PGS1: variants seen among roughly 807,000 people sequenced by gnomAD.
PGS1 encodes the protein CDP-diacylglycerol--glycerol-3-phosphate 3-phosphatidyltransferase, mitochondrial.
Under a neutral mutation model 58.3 loss-of-function variants are expected in PGS1, and 44 were observed. The ratio of observed to expected loss-of-function variants is 0.75; its 90% CI spans 0.59 to 0.97. PGS1 has a LOEUF of 0.97. Among genes scored for constraint, PGS1 ranks in the 50% least tolerant of loss-of-function variants. The pLI, the probability that PGS1 is intolerant of heterozygous loss-of-function variation, is 0.00. For synonymous variants in PGS1, 330 were observed against 311.0 expected (o/e 1.06, Z -0.64); for missense variants, 684 against 731.1 (o/e 0.94, Z 0.74).
At chr17:78,420,800 C>G (rs2085660315) in intron 9 of PGS1, 2 of 152,196 alleles carry the variant, frequency 1.3e-5, no homozygotes, top group Non-Finnish European at 2.9e-5. Flanking sequence ...CTCCCTTCCC[C>G]CAGGCAGCCA....
chr17:78,400,718 G>T lies in PGS1; in HGVS notation c.743G>T (p.Arg248Leu). The change falls in exon 6 of 10, where the codon CGC becomes CTC. Residue 248 changes from arginine to leucine, a missense_variant. Coordinates refer to ENST00000262764, the MANE Select transcript of PGS1 (RefSeq NM_024419.5). This position sits in a 1 kb window ranked among gnomAD's most constrained non-coding sequence, Gnocchi z 4.4. ...TCCTACTTCACCAACCGCCAGGACCGCTACGTGTTCCTGCAGGACTGTGCG... is the reference window on the plus strand; with the variant it reads ...TCCTACTTCACCAACCGCCAGGACCTCTACGTGTTCCTGCAGGACTGTGCG... ...SDSYFTNRQD[R>L]YVFLQDCAEI... is the part of the protein sequence containing the mutation. 1 of 1,613,890 alleles carries T rather than the reference G, an allele frequency of 6.2e-7. No homozygotes were observed. The highest frequency in any genetic ancestry group is 8.5e-7 in the Non-Finnish European group (1 of 1,179,926).
chr17:78,417,610 C>T (rs1429357246), intron 8 of PGS1, among the ~76,000 whole-genome samples: 1 of 152,152 alleles, frequency 6.6e-6, no homozygotes, highest in Non-Finnish European at 1.5e-5. Flanking sequence ...TGTGTCCTCC[C>T]TCCCGGCCTC....
intron 1 of PGS1, among the ~76,000 whole-genome samples, chr17:78,392,229 A>T (rs945029826): frequency 6.6e-6 from 1 of 152,238 alleles, no homozygotes; most frequent in Non-Finnish European, 1.5e-5. Context: ...ATAGGTATTG[A>T]CACTTCTCAA....
At chr17:78,388,109 C>G (rs1054209423) in intron 1 of PGS1, among the ~76,000 whole-genome samples, 1 of 152,222 alleles carries the variant, frequency 6.6e-6, no homozygotes. Context: ...AAAAATAAAC[C>G]TGTCAGTACA....
At chr17:78,378,839 C>T in intron 1 of PGS1, 31 bp downstream of exon 1, 1 of 1,375,626 alleles carries the variant, frequency 7.3e-7, no homozygotes, top group Non-Finnish European at 9.3e-7. Context: ...GAGAGTGCAG[C>T]CCTCGCGGCT....
chr17:78,404,625 GAT>G (rs1042104322), intron 7 of PGS1, among the ~76,000 whole-genome samples: 9 of 152,142 alleles, frequency 5.9e-5, no homozygotes, highest in South Asian at 2.1e-4. Context: ...CTGTGGTAAA[GAT>G]GTGGTGACAT....
intron 1 of PGS1, among the ~76,000 whole-genome samples, chr17:78,386,678 T>G (rs547954551): frequency 3.9e-4 from 59 of 152,188 alleles, no homozygotes; most frequent in Non-Finnish European, 7.3e-4. Flanking sequence ...TCTTGGTAAG[T>G]AAGCCTCCCT....
rs748675541 is a variant in PGS1 at position 78,403,678 on chromosome 17, C to T, written c.991C>T (p.Leu331Phe). 1 of 1,614,146 alleles carries T rather than the reference C, an allele frequency of 6.2e-7. No homozygotes were observed. Among genetic ancestry groups the T allele is most frequent in the Non-Finnish European group, 8.5e-7 (1 of 1,180,058 alleles). ...LHAQTFHSNS[L>F]LTQEDAAAAG... ...TGCCCAGACCTTCCACAGCAACTCT[C>T]TTTTGACCCAGGAAGATGCAGCAGC... The change falls in exon 7 of 10, where the codon CTT (leucine) becomes TTT (phenylalanine). Residue 331 changes from leucine to phenylalanine, a missense_variant. By Grantham distance (22) the Leu-to-Phe change is conservative. Transcript: ENST00000262764.
chr17:78,388,902 T>C (rs2082597975), intron 1 of PGS1, among the ~76,000 whole-genome samples: 1 of 152,144 alleles, frequency 6.6e-6, no homozygotes, highest in Non-Finnish European at 1.5e-5. Flanking sequence ...CTACCAAGGT[T>C]GTGGGAGGCA....
At chr17:78,401,041 A>G (rs904090214) in intron 6 of PGS1, among the ~76,000 whole-genome samples, 186 bp downstream of exon 6, 1 of 152,090 alleles carries the variant, frequency 6.6e-6, no homozygotes, top group Admixed American at 6.5e-5. Context: ...TGTGGGTGAG[A>G]GAGCCAGCCC....
rs2083609848 is a variant in PGS1 at position 78,400,951 on chromosome 17, G to A, written c.880+96G>A. On this transcript the variant is annotated intron_variant, in intron 6 of 9. Transcript: ENST00000262764. The surrounding 1 kb of genome is among the most constrained non-coding windows in gnomAD (Gnocchi z 4.4). ...CTAGGTGGTTCTGCCACAGGCATAG[G>A]GGACTTGGGTGGCAAGGCTTCATTC... 5 of 1,086,802 alleles carry A rather than the reference G, an allele frequency of 4.6e-6. No homozygotes were observed. Among genetic ancestry groups the A allele is most frequent in the Non-Finnish European group, 5.2e-6 (4 of 772,626 alleles). The allele number at this position is 1,086,802 out of a possible 1,614,324, so 67.3% of individuals were successfully genotyped here.
chr17:78,398,892 C>T (rs933670119), intron 4 of PGS1, among the ~76,000 whole-genome samples: 3 of 152,156 alleles, frequency 2.0e-5, no homozygotes, highest in African/African-American at 4.8e-5. Flanking sequence ...CCATGAGAAT[C>T]GGGTCAAAGC....
Position 78,410,257 on chromosome 17 carries a change from C to T in PGS1, c.1403-4622C>T, listed in dbSNP as rs921026544. ...CAGCCTGGCCAACATGGTGAAACCC[C>T]GTCTCTACTAAAAATACAAAAATTA... On this transcript the variant is annotated intron_variant, in intron 7 of 9. Coordinates refer to ENST00000262764, the MANE Select transcript of PGS1 (RefSeq NM_024419.5). 1.2e-4 allele frequency among the ~76,000 whole-genome samples: 18 copies of T among 151,970 alleles called. No individual in the cohort carries two copies. The East Asian group carries it at 1.6e-3, about 13-fold the overall frequency.
chr17:78,396,440 C>A, intron 3 of PGS1, 55 bp downstream of exon 3: 2 of 1,272,366 alleles, frequency 1.6e-6, no homozygotes, highest in South Asian at 2.7e-5. Context: ...CCCCAACATG[C>A]CACAGCTTTT....
intron 9 of PGS1, among the ~76,000 whole-genome samples, chr17:78,422,088 G>C (rs955355450): frequency 1.3e-5 from 2 of 152,188 alleles, no homozygotes; most frequent in African/African-American, 4.8e-5. Context: ...TCTTATTTCA[G>C]GATCTAAAGG....
At chr17:78,423,462 T>C (rs1325762883) in intron 9 of PGS1, among the ~76,000 whole-genome samples, 1 of 152,150 alleles carries the variant, frequency 6.6e-6, no homozygotes, top group Non-Finnish European at 1.5e-5. Context: ...TAACGCCCTG[T>C]CCCCTCATTG....
At chr17:78,419,081 C>T (rs1193669371) in intron 8 of PGS1, among the ~76,000 whole-genome samples, 1 of 152,054 alleles carries the variant, frequency 6.6e-6, no homozygotes, top group African/African-American at 2.4e-5. Context: ...AGCATCACAG[C>T]TCATGCAGCT....
chr17:78,402,971 G>A (rs750853448), intron 6 of PGS1, among the ~76,000 whole-genome samples: 2 of 152,098 alleles, frequency 1.3e-5, no homozygotes, highest in East Asian at 1.9e-4. Flanking sequence ...GAGCCTGCCC[G>A]TTCTTCCTCT....
At chr17:78,415,340 C>T (rs976229043) in intron 8 of PGS1, among the ~76,000 whole-genome samples, 2 of 152,140 alleles carry the variant, frequency 1.3e-5, no homozygotes, top group African/African-American at 4.8e-5. Flanking sequence ...GTTAAAGGTT[C>T]GGCATTGGGG....
Sources: gnomAD v4.1 joint callset for allele counts (sites outside exome capture counted in the v4.1 genomes callset) on GRCh38, gnomAD v4.1.1 for gene constraint, Gnocchi (gnomAD v3.1) non-coding constraint, MANE v1.5 for transcripts, NCBI Gene and HGNC (gene_info 2026-07-23, HGNC 2026-07-21) for gene names.